The following MBNL1 variants were observed in gnomAD, a reference collection of about 807,000 sequenced individuals.
MBNL1 encodes the protein muscleblind like splicing regulator 1.
MBNL1 carries 8 observed loss-of-function variants against 42.2 expected under a neutral mutation model. The observed-to-expected ratio is 0.19, with a 90% CI of 0.11 to 0.34. The LOEUF (loss-of-function observed/expected upper bound fraction) is 0.34, where lower values mean the gene tolerates loss of function less well. Ranked by LOEUF, MBNL1 falls within the 10% of genes least tolerant of loss-of-function variation. MBNL1 has a pLI of 1.00. For synonymous variants in MBNL1, 169 were observed against 173.9 expected (o/e 0.97, Z 0.22); for missense variants, 309 against 495.3 (o/e 0.62, Z 3.57).
At chr3:152,444,013 C>T (rs1205352431) in intron 4 of MBNL1, among the ~76,000 whole-genome samples, 1 of 152,128 alleles carries the variant, frequency 6.6e-6, no homozygotes, top group Admixed American at 6.5e-5. Context: ...GATTTAAATG[C>T]AATCATTGTA....
chr3:152,371,159 T>C lies in MBNL1; in HGVS notation c.175-43782T>C, dbSNP rs139739497. Among the ~76,000 whole-genome samples, 6 of 152,298 alleles carry C rather than the reference T, an allele frequency of 3.9e-5. No individual in the cohort carries two copies. In the East Asian group the frequency reaches 9.6e-4, roughly 24 times the overall value. The stretch of plus-strand genomic sequence containing the variant: ...ACTGCTTTTTCCTTTTTGTATTTAG[T>C]GCTTCCTTCAGAAGATCTTGTAAGG... On this transcript the variant is annotated intron_variant, in intron 2 of 9. Transcript: ENST00000324210.
chr3:152,286,438 T>TTATATTTTATTTATAATATAAA (rs879328108), intron 1 of MBNL1, among the ~76,000 whole-genome samples: 1,393 of 100,782 alleles, frequency 0.014, 46 homozygotes, highest in East Asian at 0.03. Context: ...ATATAAATAT[T>TTATATTTTATTTATAATATAAA]TATATTTTAT....
chr3:152,460,660 T>TGTCC lies in MBNL1; in HGVS notation c.*18+1316_*18+1319dup, dbSNP rs557956009. On this transcript the variant is annotated intron_variant, in intron 9 of 9. Transcript: ENST00000324210. ...CCACTGTCTTAAATACTTAAAAAGG[T>TGTCC]GTCCATTTTTCATCCATAGGAATAT... Among the ~76,000 whole-genome samples, 246 of 151,142 alleles carry TGTCC rather than the reference T, an allele frequency of 1.6e-3. 1 individual carries two copies. Among genetic ancestry groups the TGTCC allele is most frequent in the African/African-American group, 5.7e-3 (236 of 41,264 alleles).
chr3:152,295,108 A>G (rs1410263068), intron 1 of MBNL1, among the ~76,000 whole-genome samples: 2 of 152,226 alleles, frequency 1.3e-5, no homozygotes, highest in Non-Finnish European at 2.9e-5. Context: ...TGAACTAATT[A>G]TTAATACTTT....
intron 1 of MBNL1, among the ~76,000 whole-genome samples, chr3:152,285,062 G>A (rs1237652881): frequency 6.6e-6 from 1 of 152,108 alleles, no homozygotes; most frequent in Non-Finnish European, 1.5e-5. Context: ...ACATAAAAGA[G>A]CAATAGCATC....
intron 1 of MBNL1, among the ~76,000 whole-genome samples, chr3:152,282,440 G>A (rs963485266): frequency 1.3e-5 from 2 of 151,980 alleles, no homozygotes; most frequent in African/African-American, 4.8e-5. Context: ...TAATAGTACT[G>A]TGGTAAATGA....
chr3:152,425,442 A>G (rs991542518), intron 3 of MBNL1, among the ~76,000 whole-genome samples: 2 of 152,028 alleles, frequency 1.3e-5, no homozygotes, highest in African/African-American at 2.4e-5. Context: ...CCCTGTCTCT[A>G]CTAAAGATAC....
At chr3:152,247,713 T>A (rs2033442602) in intron 2 of MBNL1, among the ~76,000 whole-genome samples, 1 of 152,018 alleles carries the variant, frequency 6.6e-6, no homozygotes, top group Non-Finnish European at 1.5e-5. Flanking sequence ...TTAATGTTTT[T>A]AAAATTCCTT....
At chr3:152,399,273 C>T (rs1403397505) in intron 2 of MBNL1, among the ~76,000 whole-genome samples, 1 of 152,022 alleles carries the variant, frequency 6.6e-6, no homozygotes, top group Non-Finnish European at 1.5e-5. Context: ...TTGCCTTCTT[C>T]TTCCTTCATC....
intron 2 of MBNL1, among the ~76,000 whole-genome samples, chr3:152,323,269 C>T (rs1378545095): frequency 6.6e-6 from 1 of 152,014 alleles, no homozygotes; most frequent in Non-Finnish European, 1.5e-5. Flanking sequence ...TTCTAACTCC[C>T]TTTTATACCC....
Position 152,299,622 on chromosome 3 carries a change from T to G in MBNL1, c.-572T>G, listed in dbSNP as rs2059956031. On this transcript the variant is annotated 5_prime_UTR_variant, in exon 2 of 10. Coordinates refer to ENST00000324210, the MANE Select transcript of MBNL1 (RefSeq NM_021038.5). ...CTGCTTTAGTGTTAAAAGAAAAGTT[T>G]GCTGAAAAAGTAAGATATCTTCTGC... The G allele has an allele frequency of 5.0e-6, 2 of 398,526 alleles. No individual in the cohort carries two copies. The highest frequency in any genetic ancestry group is 4.4e-5 in the Admixed American group (1 of 22,698). The allele number at this position is 398,526 out of a possible 1,614,324, so 24.7% of individuals were successfully genotyped here. A position where few individuals can be genotyped will look rare whatever the true frequency, so the allele number is the denominator to read the frequency against.
chr3:152,245,453 G>GAGA (rs2032695891), intron 2 of MBNL1, among the ~76,000 whole-genome samples: 1 of 152,080 alleles, frequency 6.6e-6, no homozygotes, highest in South Asian at 2.1e-4. Context: ...TTTCATAATT[G>GAGA]AATCCTTTTG....
chr3:152,254,693 A>G (rs902081469), intron 2 of MBNL1, among the ~76,000 whole-genome samples: 3 of 152,156 alleles, frequency 2.0e-5, no homozygotes, highest in Admixed American at 6.6e-5. Context: ...TTTTGAGATT[A>G]TAAGGCCCTA....
intron 2 of MBNL1, among the ~76,000 whole-genome samples, chr3:152,382,481 G>T (rs1026572451): frequency 1.1e-4 from 17 of 152,006 alleles, no homozygotes; most frequent in African/African-American, 3.9e-4. Context: ...CTTCCCTAAA[G>T]CTTCAAGTAA....
intron 2 of MBNL1, among the ~76,000 whole-genome samples, chr3:152,245,520 C>T (rs545281096): frequency 6.6e-6 from 1 of 152,136 alleles, no homozygotes; most frequent in East Asian, 1.9e-4. Flanking sequence ...ATAAATATCC[C>T]AAGATGTATT....
At chr3:152,398,855 T>C (rs903271936) in intron 2 of MBNL1, among the ~76,000 whole-genome samples, 2 of 152,208 alleles carry the variant, frequency 1.3e-5, no homozygotes, top group Admixed American at 6.5e-5. Context: ...GCTGCTCTTA[T>C]TACAGATGTA....
At chr3:152,428,879 A>G (rs967533277) in intron 3 of MBNL1, among the ~76,000 whole-genome samples, 1 of 152,242 alleles carries the variant, frequency 6.6e-6, no homozygotes, top group Non-Finnish European at 1.5e-5. Context: ...ATTTGTGTCT[A>G]TAGACACATA....
At chr3:152,305,760 T>TAAAC (rs910824542) in intron 2 of MBNL1, among the ~76,000 whole-genome samples, 7 of 152,226 alleles carry the variant, frequency 4.6e-5, no homozygotes, top group African/African-American at 1.7e-4. Context: ...AATTTTACTG[T>TAAAC]AAACAAGCTT....
chr3:152,412,655 C>T (rs749713424), intron 2 of MBNL1, among the ~76,000 whole-genome samples: 4 of 152,094 alleles, frequency 2.6e-5, no homozygotes, highest in Non-Finnish European at 5.9e-5. Flanking sequence ...GCAGAATATA[C>T]GTATACCAAA....
Sources: gnomAD v4.1 joint callset for allele counts (sites outside exome capture counted in the v4.1 genomes callset) on GRCh38, gnomAD v4.1.1 for gene constraint, MANE v1.5 for transcripts, NCBI Gene and HGNC (gene_info 2026-07-23, HGNC 2026-07-21) for gene names.